The following CLINT1 variants were observed in gnomAD, a reference collection of about 807,000 sequenced individuals.
CLINT1 encodes clathrin interacting protein localized in the trans-Golgi region.
In CLINT1, 15 loss-of-function variants were observed where a neutral mutation model predicts 70.4. That is an observed-to-expected ratio of 0.21 (90% CI 0.14 to 0.33). The LOEUF (loss-of-function observed/expected upper bound fraction) is 0.33. Ranked by LOEUF, CLINT1 falls within the 10% of genes least tolerant of loss-of-function variation. The probability of loss-of-function intolerance (pLI) is 1.00; values close to 1 mark genes in which losing one functional copy is unlikely to be tolerated. For missense variants in CLINT1, 615 were observed against 778.1 expected, an observed-to-expected ratio of 0.79 and a Z score of 2.49; for synonymous variants, 227 against 254.7, an observed-to-expected ratio of 0.89 and a Z score of 1.04.
intron 1 of CLINT1, among the ~76,000 whole-genome samples, chr5:157,829,406 A>G (rs1032299488): frequency 6.6e-6 from 1 of 152,216 alleles, no homozygotes. Flanking sequence ...AATAGGTGCT[A>G]TGTCAAAAAA....
intron 1 of CLINT1, among the ~76,000 whole-genome samples, chr5:157,837,078 T>G (rs1229994369): frequency 1.3e-5 from 2 of 152,214 alleles, no homozygotes; most frequent in African/African-American, 4.8e-5. Context: ...TGACATGAGA[T>G]GCATACCTAT....
At chr5:157,798,542 T>C (rs1219177503) in intron 8 of CLINT1, among the ~76,000 whole-genome samples, 2 of 152,112 alleles carry the variant, frequency 1.3e-5, no homozygotes. Context: ...AACTTTTGCA[T>C]GAAGAATTTA....
chr5:157,793,879 TTAATA>T (rs1411522842), intron 9 of CLINT1, among the ~76,000 whole-genome samples: 1 of 152,158 alleles, frequency 6.6e-6, no homozygotes, highest in African/African-American at 2.4e-5. Flanking sequence ...TTAATCCAGT[TTAATA>T]TAACAGCAAT....
chr5:157,847,658 T>C (rs879686219), intron 1 of CLINT1, among the ~76,000 whole-genome samples: 8 of 152,226 alleles, frequency 5.3e-5, no homozygotes, highest in Non-Finnish European at 7.3e-5. Context: ...GCAAGAAAAC[T>C]AGAATTAGGA....
intron 10 of CLINT1, chr5:157,790,538 G>A (rs1561634656): frequency 2.6e-6 from 1 of 390,076 alleles, no homozygotes. Context: ...TGCAAATAAA[G>A]TAGACTGACT....
chr5:157,814,031 A>G (rs971456176), intron 4 of CLINT1, among the ~76,000 whole-genome samples, 154 bp downstream of exon 4: 4 of 152,136 alleles, frequency 2.6e-5, no homozygotes, highest in Non-Finnish European at 5.9e-5. Context: ...TCACTAATTA[A>G]TACTCTAGGG....
At chr5:157,820,161 T>C (rs974735107) in intron 1 of CLINT1, among the ~76,000 whole-genome samples, 2 of 152,300 alleles carry the variant, frequency 1.3e-5, no homozygotes, top group African/African-American at 4.8e-5. Flanking sequence ...AGAAGTTATT[T>C]TCCAGGCCAG....
chr5:157,846,602 G>A (rs943934565), intron 1 of CLINT1, among the ~76,000 whole-genome samples: 1 of 152,212 alleles, frequency 6.6e-6, no homozygotes, highest in African/African-American at 2.4e-5. Flanking sequence ...GTCTAGCTAA[G>A]ATCATCTAAT....
Position 157,816,808 on chromosome 5 carries a change from A to G in CLINT1, c.169T>C (p.Phe57Leu). 1.2e-6 allele frequency: 2 copies of G among 1,609,094 alleles called. No individual in the cohort carries two copies. Among genetic ancestry groups the G allele is most frequent in the Non-Finnish European group, 1.7e-6 (2 of 1,178,432 alleles). The change falls in exon 3 of 12, where the codon TTT becomes CTT. Residue 57 changes from phenylalanine (F) to leucine (L), a missense_variant. By Grantham distance (22) the Phe-to-Leu change is conservative. Transcript: ENST00000411809. ...CAAAGCATGTTCATAAGTTCTGGAAATTGTTCATACATAAATGTAGCCCTG... is the reference window on the plus strand; with the variant it reads ...CAAAGCATGTTCATAAGTTCTGGAAGTTGTTCATACATAAATGTAGCCCTG... The part of the protein sequence containing the change: ...IAKATFMYEQ[F>L]PELMNMLWSR...
At position 157,849,993 on chromosome 5, in the gene CLINT1, G is replaced by A. The variant is rs73815203; in HGVS notation, c.41+8937C>T. The stretch of plus-strand genomic sequence containing the variant: ...AGATGAATACATGTAACAGAGGAAG[G>A]CAAGCACAGAAAAAAATAGTGACGA... On this transcript the variant is annotated intron_variant, in intron 1 of 11. Coordinates refer to ENST00000411809, the MANE Select transcript of CLINT1 (RefSeq NM_014666.4). Among the ~76,000 whole-genome samples the A allele has an allele frequency of 2.7e-3, 405 of 152,294 alleles. 4 individuals are homozygous for A. The highest frequency in any genetic ancestry group is 9.3e-3 in the African/African-American group (388 of 41,554).
Position 157,858,976 on chromosome 5 carries a change from C to A in CLINT1, c.-6G>T. The A allele has an allele frequency of 6.2e-7, 1 of 1,611,422 alleles. No individual in the cohort carries two copies. Among genetic ancestry groups the A allele is most frequent in the Non-Finnish European group, 8.5e-7 (1 of 1,178,918 alleles). On this transcript the variant is annotated 5_prime_UTR_variant, in exon 1 of 12. Coordinates refer to ENST00000411809, the MANE Select transcript of CLINT1 (RefSeq NM_014666.4). ...ACCTTCCACATGTTCAACATCGTGCCCCGCGCGGGACGGTCCGCCGCCTCC... is the reference window on the plus strand; with the variant it reads ...ACCTTCCACATGTTCAACATCGTGCACCGCGCGGGACGGTCCGCCGCCTCC...
intron 9 of CLINT1, among the ~76,000 whole-genome samples, chr5:157,792,379 C>G (rs955327639): frequency 1.6e-4 from 24 of 152,118 alleles, no homozygotes; most frequent in African/African-American, 5.8e-4. Flanking sequence ...AACCTCATCT[C>G]TACTAAAAAT....
At position 157,858,892 on chromosome 5, in the gene CLINT1, C is replaced by T. The variant is rs376248333; in HGVS notation, c.41+38G>A. On this transcript the variant is annotated intron_variant, in intron 1 of 11. Transcript: ENST00000411809. ...CTCCTTCTCCCCCTCCCCCCTCCCC[C>T]ACGTGGGCCTCGGCCACAACTGCCC... The T allele has an allele frequency of 4.4e-6, 6 of 1,375,576 alleles. No homozygotes were observed. The African/African-American group carries it at 7.3e-5, about 17-fold the overall frequency. The allele number at this position is 1,375,576 out of a possible 1,614,324, so 85.2% of individuals were successfully genotyped here.
rs545970739 is a variant in CLINT1 at position 157,807,147 on chromosome 5, T to C, written c.696-1035A>G. 1.8e-4 allele frequency among the ~76,000 whole-genome samples: 27 copies of C among 152,126 alleles called. No individual in the cohort carries two copies. The South Asian group carries it at 4.8e-3, about 27-fold the overall frequency. On this transcript the variant is annotated intron_variant, in intron 6 of 11. Coordinates refer to ENST00000411809, the MANE Select transcript of CLINT1 (RefSeq NM_014666.4). Reference sequence around the variant, plus strand: ...ATGCAATTTACCTCAGACTGAACTATAGCAACTTGTACTTAAATATAAACC... The same window carrying C: ...ATGCAATTTACCTCAGACTGAACTACAGCAACTTGTACTTAAATATAAACC...
In CLINT1 at chr5:157,811,512, G is replaced by A. The variant is rs114078459; in HGVS notation, c.517+1551C>T. On this transcript the variant is annotated intron_variant, in intron 5 of 11. Transcript: ENST00000411809. ...GGTAACACTGCACTCCAGCCTGGAT[G>A]ACAGAGCAAGAATCCTCAAAAAAAA... 3.3e-3 allele frequency among the ~76,000 whole-genome samples: 471 copies of A among 141,082 alleles called. 1 individual carries two copies. Among genetic ancestry groups the A allele is most frequent in the African/African-American group, 0.011 (431 of 37,696 alleles). 92.6% of individuals were successfully genotyped at this position (141,082 alleles called of 152,430 possible). A position where few individuals can be genotyped will look rare whatever the true frequency, so the allele number is the denominator to read the frequency against.
intron 8 of CLINT1, chr5:157,795,781 C>G (rs1378415709): frequency 6.6e-6 from 1 of 152,202 alleles, no homozygotes; most frequent in Admixed American, 6.5e-5. Flanking sequence ...TAAATCCCAG[C>G]ACTTTGGGAG....
chr5:157,791,352 C>T (rs1009719918), intron 10 of CLINT1, among the ~76,000 whole-genome samples: 28 of 152,198 alleles, frequency 1.8e-4, no homozygotes, highest in African/African-American at 6.8e-4. Context: ...GCCACTGCGC[C>T]TGGCCTATTT....
intron 1 of CLINT1, among the ~76,000 whole-genome samples, chr5:157,820,389 C>G (rs1488367824): frequency 6.6e-6 from 1 of 152,144 alleles, no homozygotes; most frequent in Non-Finnish European, 1.5e-5. Flanking sequence ...GTTGAGGCTA[C>G]AGAGAACAAG....
At chr5:157,814,564 C>A (rs1762655747) in intron 3 of CLINT1, among the ~76,000 whole-genome samples, 1 of 152,090 alleles carries the variant, frequency 6.6e-6, no homozygotes, top group African/African-American at 2.4e-5. Flanking sequence ...TTCAAAATAT[C>A]AGAATGCTTG....
Sources: gnomAD v4.1 joint callset for allele counts (sites outside exome capture counted in the v4.1 genomes callset) on GRCh38, gnomAD v4.1.1 for gene constraint, MANE v1.5 for transcripts, NCBI Gene and HGNC (gene_info 2026-07-23, HGNC 2026-07-21) for gene names.